SMIM14: variants seen among roughly 807,000 people sequenced by gnomAD.
The protein encoded by SMIM14 is small integral membrane protein 14, also known as chromosome 4 open reading frame 34.
In SMIM14, 5 loss-of-function variants were observed where a neutral mutation model predicts 12.6. The observed-to-expected ratio is 0.40, with a 90% CI of 0.21 to 0.83. The LOEUF (loss-of-function observed/expected upper bound fraction) is 0.83. SMIM14 is among the 40% of genes least tolerant of loss of function. The pLI is 0.37. For synonymous variants in SMIM14, 30 were observed against 40.1 expected (o/e 0.75, Z 0.95); for missense variants, 86 against 119.1 (o/e 0.72, Z 1.29).
In SMIM14 at chr4:39,547,817, A is replaced by ATTAT. The variant is rs1747398274; in HGVS notation, c.*4305_*4308dup. On this transcript the variant is annotated 3_prime_UTR_variant, in exon 5 of 5. Coordinates refer to ENST00000295958, the MANE Select transcript of SMIM14 (RefSeq NM_174921.3). Reference sequence around the variant, plus strand: ...AGCCATAGAATAGCTGTATTCAATAATTATTTTGGAAAATCCACATTATGA... The same window carrying ATTAT: ...AGCCATAGAATAGCTGTATTCAATAATTATTTATTTTGGAAAATCCACATTATGA... The ATTAT allele has an allele frequency of 6.6e-6, 1 of 152,218 alleles. No homozygotes were observed. Among genetic ancestry groups the ATTAT allele is most frequent in the Non-Finnish European group, 1.5e-5 (1 of 68,038 alleles). The allele number at this position is 152,218 out of a possible 1,614,324, so 9.4% of individuals were successfully genotyped here. A position where few individuals can be genotyped will look rare whatever the true frequency, so the allele number is the denominator to read the frequency against.
intron 3 of SMIM14, among the ~76,000 whole-genome samples, chr4:39,559,246 G>C (rs1049895292): frequency 6.6e-6 from 1 of 152,134 alleles, no homozygotes; most frequent in East Asian, 1.9e-4. Context: ...AAAATTAGCT[G>C]GGTGGGGTGG....
intron 3 of SMIM14, among the ~76,000 whole-genome samples, chr4:39,560,200 T>G (rs1341955407): frequency 6.6e-6 from 1 of 151,854 alleles, no homozygotes; most frequent in Non-Finnish European, 1.5e-5. Flanking sequence ...AGTTGGACAC[T>G]CCTTCATCAA....
At chr4:39,624,816 G>GAAAAA (rs539792739) in intron 1 of SMIM14, among the ~76,000 whole-genome samples, 39 of 110,274 alleles carry the variant, frequency 3.5e-4, no homozygotes, top group African/African-American at 1.4e-3. Context: ...ACACCATCTC[G>GAAAAA]AAAAAAAAAA....
At chr4:39,611,136 A>G (rs774818191) in intron 1 of SMIM14, among the ~76,000 whole-genome samples, 23 of 152,230 alleles carry the variant, frequency 1.5e-4, no homozygotes, top group Non-Finnish European at 3.4e-4. Context: ...TTCACAGGAA[A>G]ATACAGAACC....
intron 2 of SMIM14, chr4:39,594,557 T>C (rs1321330231): frequency 6.8e-6 from 1 of 147,616 alleles, no homozygotes; most frequent in East Asian, 2.0e-4. Context: ...ACAAATGGGA[T>C]CTAATTAAAC....
At chr4:39,572,517 A>G (rs1473517811) in intron 2 of SMIM14, 54 bp from the exon 3 acceptor site, 4 of 1,440,904 alleles carry the variant, frequency 2.8e-6, no homozygotes, top group Non-Finnish European at 3.9e-6. Flanking sequence ...AAAGTGGACC[A>G]TAATTATTAG....
intron 2 of SMIM14, among the ~76,000 whole-genome samples, chr4:39,597,422 C>T (rs937386143): frequency 6.7e-6 from 1 of 149,866 alleles, no homozygotes; most frequent in Admixed American, 6.7e-5. Flanking sequence ...TTCAGAAAGT[C>T]ATTGTCACTG....
Position 39,572,582 on chromosome 4 carries a change from G to A in SMIM14, c.76-119C>T, listed in dbSNP as rs186234108. 16 of 763,178 alleles carry A rather than the reference G, an allele frequency of 2.1e-5. No individual in the cohort carries two copies. The African/African-American group carries it at 2.6e-4, about 13-fold the overall frequency. The allele number at this position is 763,178 out of a possible 1,614,324, so 47.3% of individuals were successfully genotyped here. A position where few individuals can be genotyped will look rare whatever the true frequency, so the allele number is the denominator to read the frequency against. On this transcript the variant is annotated intron_variant, in intron 2 of 4. Coordinates refer to ENST00000295958, the MANE Select transcript of SMIM14 (RefSeq NM_174921.3). The stretch of plus-strand genomic sequence containing the variant: ...CTCACGCCTGTAATCCCACACTTTG[G>A]AGGCTGAGGTGGGTGGATTGTTTGA...
At chr4:39,573,698 T>C (rs1436354175) in intron 2 of SMIM14, among the ~76,000 whole-genome samples, 1 of 150,944 alleles carries the variant, frequency 6.6e-6, no homozygotes, top group Non-Finnish European at 1.5e-5. Context: ...TAGAAGCAGA[T>C]AAAGAAAAAA....
intron 2 of SMIM14, among the ~76,000 whole-genome samples, chr4:39,596,510 T>G (rs1441842431): frequency 1.3e-5 from 2 of 152,194 alleles, no homozygotes; most frequent in African/African-American, 2.4e-5. Context: ...CACTCTCTGG[T>G]CAGTTCCAAC....
Position 39,558,828 on chromosome 4 carries a change from T to G in SMIM14, c.125-2258A>C, listed in dbSNP as rs948647273. ...GGTTCAAGCAATTCTCCTGTCTCAGTCTCCCCTGTAGCTGGGATTACAGGC... is the reference window on the plus strand; with the variant it reads ...GGTTCAAGCAATTCTCCTGTCTCAGGCTCCCCTGTAGCTGGGATTACAGGC... On this transcript the variant is annotated intron_variant, in intron 3 of 4. Coordinates refer to ENST00000295958, the MANE Select transcript of SMIM14 (RefSeq NM_174921.3). The surrounding 1 kb of genome is among the most constrained non-coding windows in gnomAD (Gnocchi z 4.3). Among the ~76,000 whole-genome samples the G allele has an allele frequency of 3.3e-4, 50 of 152,070 alleles. No individual in the cohort carries two copies. Among genetic ancestry groups the G allele is most frequent in the African/African-American group, 1.2e-3 (50 of 41,436 alleles).
At chr4:39,637,670 G>A (rs1716149152) in intron 1 of SMIM14, among the ~76,000 whole-genome samples, 1 of 151,918 alleles carries the variant, frequency 6.6e-6, no homozygotes, top group Non-Finnish European at 1.5e-5. Context: ...CGCGGAGAGC[G>A]GCAAGTTCGG....
At chr4:39,609,997 A>G (rs1046173757) in intron 1 of SMIM14, among the ~76,000 whole-genome samples, 2 of 152,162 alleles carry the variant, frequency 1.3e-5, no homozygotes, top group South Asian at 4.1e-4. Context: ...GAGTGATTTA[A>G]CTTTTAATTT....
intron 2 of SMIM14, among the ~76,000 whole-genome samples, chr4:39,586,773 T>C (rs993737995): frequency 2.6e-5 from 4 of 152,110 alleles, no homozygotes; most frequent in Admixed American, 2.0e-4. Flanking sequence ...CTTTTTGTCT[T>C]AGTTTGGGCT....
intron 2 of SMIM14, among the ~76,000 whole-genome samples, chr4:39,574,650 T>G (rs991057028): frequency 3.3e-5 from 5 of 152,102 alleles, no homozygotes; most frequent in African/African-American, 1.2e-4. Context: ...TATCTAAGAG[T>G]ACTAGTGAGA....
rs1711588709 is a variant in SMIM14, at chr4:39,550,065, G to GT, written c.*2060dup. On this transcript the variant is annotated 3_prime_UTR_variant, in exon 5 of 5. Transcript: ENST00000295958. Reference sequence around the variant, plus strand: ...ATAAAGGGGGGAAAATACCTTATGAGTATCACAATTGTATCAGAGACTATT... The same window carrying GT: ...ATAAAGGGGGGAAAATACCTTATGAGTTATCACAATTGTATCAGAGACTATT... 1 of 152,024 alleles carries GT rather than the reference G, an allele frequency of 6.6e-6. No homozygotes were observed. The highest frequency in any genetic ancestry group is 6.6e-5 in the Admixed American group (1 of 15,260). 9.4% of individuals were successfully genotyped at this position (152,024 alleles called of 1,614,324 possible).
At position 39,581,809 on chromosome 4, in the gene SMIM14, C is replaced by A. The variant is rs564000941; in HGVS notation, c.76-9346G>T. 2.0e-5 allele frequency among the ~76,000 whole-genome samples: 3 copies of A among 151,934 alleles called. No homozygotes were observed. In the South Asian group the frequency reaches 6.2e-4, roughly 32 times the overall value. Reference sequence around the variant, plus strand: ...AACTCCTGAGCTCAAGGAATCCACACACCTGGGCCTTCCAAAGTGCTGGGA... The same window carrying A: ...AACTCCTGAGCTCAAGGAATCCACAAACCTGGGCCTTCCAAAGTGCTGGGA... On this transcript the variant is annotated intron_variant, in intron 2 of 4. Transcript: ENST00000295958.
At chr4:39,632,828 A>C (rs901891383) in intron 1 of SMIM14, among the ~76,000 whole-genome samples, 7 of 148,004 alleles carry the variant, frequency 4.7e-5, no homozygotes, top group South Asian at 2.1e-4. Flanking sequence ...CACACACACA[A>C]AAGAAAAAGA....
intron 1 of SMIM14, among the ~76,000 whole-genome samples, chr4:39,618,676 A>C (rs1039445779): frequency 1.1e-4 from 17 of 151,732 alleles, no homozygotes; most frequent in Non-Finnish European, 1.6e-4. Flanking sequence ...AAAAAAAAAA[A>C]ACCAAAGCCC....
Sources: gnomAD v4.1 joint callset for allele counts (sites outside exome capture counted in the v4.1 genomes callset) on GRCh38, gnomAD v4.1.1 for gene constraint, Gnocchi (gnomAD v3.1) non-coding constraint, MANE v1.5 for transcripts, NCBI Gene and HGNC (gene_info 2026-07-23, HGNC 2026-07-21) for gene names.